Variants in GLYAT observed in about 807,000 individuals in gnomAD.
GLYAT encodes glycine-N-acyltransferase.
In GLYAT, 25 loss-of-function variants were observed where a neutral mutation model predicts 22.8. The ratio of observed to expected loss-of-function variants is 1.09; its 90% CI spans 0.80 to 1.53. The LOEUF (loss-of-function observed/expected upper bound fraction) is 1.53, where lower values mean the gene tolerates loss of function less well. GLYAT is among the 40% of genes most tolerant of loss of function. The probability of loss-of-function intolerance (pLI) is 0.00; values close to 1 mark genes in which losing one functional copy is unlikely to be tolerated. For missense variants in GLYAT, 411 were observed against 353.9 expected (o/e 1.16, Z -1.29); for synonymous variants, 140 against 122.7 (o/e 1.14, Z -0.93).
At chr11:58,730,447 A>G (rs180872887) in intron 1 of GLYAT, among the ~76,000 whole-genome samples, 1 of 152,306 alleles carries the variant, frequency 6.6e-6, no homozygotes. Flanking sequence ...AGAAAAAAAG[A>G]ATACATTCTG....
rs1565061021 is a variant in GLYAT at position 58,728,882 on chromosome 11, GA to G, written c.-16+2952del. ...AGAAAGAAAGAAAGAAAGAAAGAAA[GA>G]AAGAAAGAAGGAAGGAAGGAAGGAA... On this transcript the variant is annotated intron_variant, in intron 1 of 5. Transcript: ENST00000344743. 5.6e-3 allele frequency among the ~76,000 whole-genome samples: 665 copies of G among 117,714 alleles called. 2 individuals carry two copies. The highest frequency in any genetic ancestry group is 0.023 in the African/African-American group (625 of 27,746). The allele number at this position is 117,714 out of a possible 152,430, so 77.2% of individuals were successfully genotyped here.
Position 58,716,036 on chromosome 11 carries a change from C to A in GLYAT, c.82-613G>T, listed in dbSNP as rs150461039. ...AGAGCTTAACTGAATTCTTATCAGT[C>A]AGCAGAGACTATAGCCTATTGCTCA... is the stretch of plus-strand genomic sequence containing the variant. On this transcript the variant is annotated intron_variant, in intron 2 of 5. Transcript: ENST00000344743. Among the ~76,000 whole-genome samples the A allele has an allele frequency of 5.0e-3, 768 of 152,242 alleles. 8 individuals carry two copies. Among genetic ancestry groups the A allele is most frequent in the African/African-American group, 0.018 (735 of 41,556 alleles).
At position 58,709,968 on chromosome 11, in the gene GLYAT, A is replaced by G; in HGVS notation, c.689T>C (p.Met230Thr). The stretch of plus-strand genomic sequence containing the variant: ...CCGGTATTCCGGCAAGGTGCCTGCC[A>G]TTCTCATCTCTCCAGTCTGGTCCAT... ...DLMDQTGEMR[M>T]AGTLPEYRLH... Residue 230 changes from methionine (M) to threonine (T), a missense_variant, in exon 6 of 6, where the codon ATG (methionine) becomes ACG (threonine). Physicochemically the swap from Met to Thr is moderately conservative, Grantham distance 81. Transcript: ENST00000344743. The G allele has an allele frequency of 6.2e-7, 1 of 1,614,098 alleles. No homozygotes were observed.
intron 4 of GLYAT, among the ~76,000 whole-genome samples, chr11:58,711,492 G>T (rs1231607155): frequency 1.3e-5 from 2 of 152,154 alleles, no homozygotes; most frequent in Non-Finnish European, 2.9e-5. Flanking sequence ...ATTTCAAACA[G>T]TAAGGATTTG....
intron 3 of GLYAT, among the ~76,000 whole-genome samples, chr11:58,713,516 G>A (rs1856641989): frequency 6.6e-6 from 1 of 152,072 alleles, no homozygotes; most frequent in South Asian, 2.1e-4. Context: ...TATGACCATG[G>A]CAGTATGAAA....
At position 58,710,346 on chromosome 11, in the gene GLYAT, A is replaced by G. The variant is rs956397604; in HGVS notation, c.489-178T>C. ...TGAAGGTCAGAGCTGTTGGAGGAAG[A>G]AAGCAGGAAGGGCAATAAAGGTCCA... On this transcript the variant is annotated intron_variant, in intron 5 of 5. Coordinates refer to ENST00000344743, the MANE Select transcript of GLYAT (RefSeq NM_201648.3). 4.5e-6 allele frequency: 5 copies of G among 1,119,978 alleles called. No homozygotes were observed. In the Admixed American group the frequency reaches 1.4e-4, roughly 32 times the overall value. 69.4% of individuals were successfully genotyped at this position (1,119,978 alleles called of 1,614,324 possible).
intron 1 of GLYAT, among the ~76,000 whole-genome samples, chr11:58,727,999 G>GC (rs1285336367): frequency 1.4e-5 from 2 of 144,056 alleles, no homozygotes; most frequent in Non-Finnish European, 3.0e-5. Flanking sequence ...CACCCACTTT[G>GC]CCCTCTTCCA....
rs186580039 is a variant in GLYAT at position 58,721,395 on chromosome 11, C to T, written c.81+3021G>A. On this transcript the variant is annotated intron_variant, in intron 2 of 5. Coordinates refer to ENST00000344743, the MANE Select transcript of GLYAT (RefSeq NM_201648.3). ...ACTTCATTTTTTTCTTAAATAACCA[C>T]GTAGCCTTTGTTGCAATAACTATTT... is the stretch of plus-strand genomic sequence containing the variant. Among the ~76,000 whole-genome samples the T allele has an allele frequency of 9.8e-4, 148 of 151,382 alleles. 1 individual carries two copies. The Middle Eastern group carries it at 0.017, about 18-fold the overall frequency.
rs956632507 is a variant in GLYAT at position 58,715,151 on chromosome 11, G to A, written c.189+165C>T. Among the ~76,000 whole-genome samples the A allele has an allele frequency of 2.6e-5, 4 of 151,928 alleles. No homozygotes were observed. In the East Asian group the frequency reaches 7.7e-4, roughly 29 times the overall value. On this transcript the variant is annotated intron_variant, in intron 3 of 5. Coordinates refer to ENST00000344743, the MANE Select transcript of GLYAT (RefSeq NM_201648.3). The stretch of plus-strand genomic sequence containing the variant: ...GTTCTTGTATACTTCACACTTTATT[G>A]GTTGATCTATCTTGTCTTTCAGACT...
At chr11:58,715,196 G>A in intron 3 of GLYAT, 120 bp downstream of exon 3, 1 of 559,386 alleles carries the variant, frequency 1.8e-6, no homozygotes, top group South Asian at 2.7e-5. Context: ...TTGAGGATGG[G>A]GACTTGTTGA....
At chr11:58,715,496 C>T in intron 2 of GLYAT, 73 bp from the exon 3 acceptor site, 1 of 698,240 alleles carries the variant, frequency 1.4e-6, no homozygotes, top group South Asian at 1.7e-5. Flanking sequence ...TTGATTAGGA[C>T]AAAAATTATT....
rs760887652 is a variant in GLYAT, at chr11:58,709,784, C to A, written c.873G>T (p.Trp291Cys). ...ATTGGCATCACAGAGGTACACAGTTCCACTGGTTCCAGCTTCTGGGAATGG... is the reference window on the plus strand; with the variant it reads ...ATTGGCATCACAGAGGTACACAGTTACACTGGTTCCAGCTTCTGGGAATGG... ...HVPIPRSWNQ[W>C]NCVPL Residue 291 changes from tryptophan (W) to cysteine (C), a missense_variant, in exon 6 of 6, where the codon TGG becomes TGT. Coordinates refer to ENST00000344743, the MANE Select transcript of GLYAT (RefSeq NM_201648.3). 16 of 1,611,490 alleles carry A rather than the reference C, an allele frequency of 9.9e-6. No individual in the cohort carries two copies. The South Asian group carries it at 1.8e-4, about 18-fold the overall frequency.
intron 2 of GLYAT, among the ~76,000 whole-genome samples, chr11:58,717,432 T>A (rs1856697486): frequency 6.6e-6 from 1 of 152,014 alleles, no homozygotes; most frequent in South Asian, 2.1e-4. Context: ...GGTATGAAAG[T>A]GGCTTATGTA....
In GLYAT at chr11:58,715,381, T is replaced by G. The variant is rs757762637; in HGVS notation, c.124A>C (p.Asn42His). The G allele has an allele frequency of 3.7e-6, 6 of 1,600,226 alleles. No individual in the cohort carries two copies. In the African/African-American group the frequency reaches 8.1e-5, roughly 21 times the overall value. The change falls in exon 3 of 6, where the codon AAT (asparagine) becomes CAT (histidine). Residue 42 changes from asparagine to histidine, a missense_variant. Coordinates refer to ENST00000344743, the MANE Select transcript of GLYAT (RefSeq NM_201648.3). ...VFHINHGNPFNLKAVVDKWPD... is the reference protein window; with the variant it reads ...VFHINHGNPFHLKAVVDKWPD... ...CACTTGTCCACCACAGCCTTCAGATTGAATGGATTTCCATGGTTTATGTGA... is the reference window on the plus strand; with the variant it reads ...CACTTGTCCACCACAGCCTTCAGATGGAATGGATTTCCATGGTTTATGTGA...
In GLYAT at chr11:58,729,782, A is replaced by T. The variant is rs545209009; in HGVS notation, c.-16+2053T>A. On this transcript the variant is annotated intron_variant, in intron 1 of 5. Coordinates refer to ENST00000344743, the MANE Select transcript of GLYAT (RefSeq NM_201648.3). ...AAGAAAACTCCAGACCATATCTCAT[A>T]TCTAAGGGTCTTAGGATGATAAAAG... Among the ~76,000 whole-genome samples, 10 of 152,238 alleles carry T rather than the reference A, an allele frequency of 6.6e-5. No individual in the cohort carries two copies. The South Asian group carries it at 2.1e-3, about 32-fold the overall frequency.
rs750137242 is a variant in GLYAT, at chr11:58,709,748, T to C, written c.*18A>G. On this transcript the variant is annotated 3_prime_UTR_variant, in exon 6 of 6. Transcript: ENST00000344743. ...ACGCCCAGACCTGCCCAACACTGTC[T>C]TATGTTCAGGATTGGCATCACAGAG... The C allele has an allele frequency of 3.1e-6, 5 of 1,594,400 alleles. No homozygotes were observed. Among genetic ancestry groups the C allele is most frequent in the Non-Finnish European group, 3.4e-6 (4 of 1,168,790 alleles).
intron 1 of GLYAT, chr11:58,728,644 A>G (rs1227091086): frequency 6.6e-6 from 1 of 151,912 alleles, no homozygotes; most frequent in Non-Finnish European, 1.5e-5. Context: ...TGAGTCCTAG[A>G]ATTGCACCAG....
chr11:58,725,614 G>A (rs1466871503), intron 1 of GLYAT, among the ~76,000 whole-genome samples: 1 of 152,114 alleles, frequency 6.6e-6, no homozygotes, highest in Non-Finnish European at 1.5e-5. Context: ...TTTGACTGAG[G>A]GGCAGAAGGC....
chr11:58,712,058 C>A (rs973703439), intron 4 of GLYAT, among the ~76,000 whole-genome samples: 2 of 152,158 alleles, frequency 1.3e-5, no homozygotes, highest in African/African-American at 4.8e-5. Flanking sequence ...CATGGTCCAC[C>A]CATCAACTAC....
Sources: allele counts gnomAD v4.1 joint callset (sites outside exome capture counted in the v4.1 genomes callset), GRCh38; gene constraint gnomAD v4.1.1; transcripts MANE v1.5; gene names NCBI Gene and HGNC (gene_info 2026-07-23, HGNC 2026-07-21).